The following GANAB variants were observed in gnomAD, a reference collection of about 807,000 sequenced individuals.
GANAB encodes glucosidase II alpha subunit, also known as neutral alpha-glucosidase AB.
GANAB carries 35 observed loss-of-function variants against 129.9 expected under a neutral mutation model. That is an observed-to-expected ratio of 0.27 (90% CI 0.21 to 0.36). The LOEUF is 0.36. GANAB is among the 10% of genes least tolerant of loss of function. GANAB has a pLI of 1.00. For missense variants in GANAB, 939 were observed against 1,221.0 expected (o/e 0.77, Z 3.44); for synonymous variants, 482 against 451.8 (o/e 1.07, Z -0.85).
chr11:62,626,022 T>C, intron 23 of GANAB, 43 bp downstream of exon 23: 1 of 1,517,490 alleles, frequency 6.6e-7, no homozygotes. Flanking sequence ...CTGCCCCGGC[T>C]TCCCCTCCTT....
chr11:62,630,924 G>A, intron 10 of GANAB, 88 bp from the exon 11 acceptor site: 1 of 1,485,092 alleles, frequency 6.7e-7, no homozygotes, highest in Non-Finnish European at 9.3e-7. Context: ...GAGGCAGGCT[G>A]AGGGGTATAA....
intron 4 of GANAB, 30 bp from the exon 5 acceptor site, chr11:62,635,030 A>G: frequency 2.6e-6 from 4 of 1,557,174 alleles, no homozygotes; most frequent in Non-Finnish European, 3.5e-6. Flanking sequence ...AAATATAAGG[A>G]AGTACAAAGG....
Position 62,639,739 on chromosome 11 carries a change from G to C in GANAB, c.39-8C>G. On this transcript the variant is annotated splice_region_variant and splice_polypyrimidine_tract_variant and intron_variant, in intron 1 of 23. Transcript: ENST00000356638. ...ACCAAAGACGCCCAAGACCTAAGGAGAAAAGGACAAAGACAGAGCAATCAG... is the reference window on the plus strand; with the variant it reads ...ACCAAAGACGCCCAAGACCTAAGGACAAAAGGACAAAGACAGAGCAATCAG... 1.9e-6 allele frequency: 3 copies of C among 1,596,572 alleles called. No individual in the cohort carries two copies. The highest frequency in any genetic ancestry group is 2.6e-6 in the Non-Finnish European group (3 of 1,163,984).
Position 62,630,826 on chromosome 11 carries a change from C to G in GANAB, c.1161G>C (p.Ala387=). 1 of 1,612,922 alleles carries G rather than the reference C, an allele frequency of 6.2e-7. No homozygotes were observed. Among genetic ancestry groups the G allele is most frequent in the Non-Finnish European group, 8.5e-7 (1 of 1,179,364 alleles). Residue 387 remains alanine (A), a synonymous_variant, in exon 11 of 24, where the codon GCG becomes GCC. Coordinates refer to ENST00000356638, the MANE Select transcript of GANAB (RefSeq NM_198334.3). ...RQYASLTGTQ[A]LPPLFSLGYH... ...AGCCGAGGGAGAAGAGTGGGGGCAACGCCTGGGTTCCTGCAGGTTCATGAG... is the reference window on the plus strand; with the variant it reads ...AGCCGAGGGAGAAGAGTGGGGGCAAGGCCTGGGTTCCTGCAGGTTCATGAG...
chr11:62,626,912 T>C lies in GANAB; in HGVS notation c.2345A>G (p.Tyr782Cys). The C allele has an allele frequency of 6.2e-7, 1 of 1,612,584 alleles. No homozygotes were observed. The highest frequency in any genetic ancestry group is 8.5e-7 in the Non-Finnish European group (1 of 1,178,666). The part of the protein sequence containing the change: ...QGEVWYDIQS[Y>C]QKHHGPQTLY... ...GGTCTGGGGACCATGATGCTTCTGG[T>C]AGCTTTGAATGTCATACCACACCTG... Residue 782 changes from tyrosine to cysteine, a missense_variant, in exon 20 of 24, where the codon TAC becomes TGC. Tyr to Cys is a radical substitution (Grantham distance 194, BLOSUM62 -2). Coordinates refer to ENST00000356638, the MANE Select transcript of GANAB (RefSeq NM_198334.3).
At chr11:62,630,029 G>A (rs1036461348) in intron 13 of GANAB, 72 bp from the exon 14 acceptor site, 1 of 1,513,556 alleles carries the variant, frequency 6.6e-7, no homozygotes, top group East Asian at 2.3e-5. Context: ...TCAGAGAAGA[G>A]AGCTCCTAGG....
intron 1 of GANAB, among the ~76,000 whole-genome samples, chr11:62,641,413 A>T (rs1448511556): frequency 6.6e-6 from 1 of 150,742 alleles, no homozygotes; most frequent in Non-Finnish European, 1.5e-5. Context: ...TAACATCCCT[A>T]GCACCCTAGG....
In GANAB at chr11:62,630,417, G is replaced by C. The variant is rs772248237; in HGVS notation, c.1475C>G (p.Thr492Ser). 3.1e-6 allele frequency: 5 copies of C among 1,614,090 alleles called. No individual in the cohort carries two copies. The African/African-American group carries it at 5.3e-5, about 17-fold the overall frequency. The change falls in exon 12 of 24, where the codon ACC (threonine) becomes AGC (serine). Residue 492 changes from threonine to serine, a missense_variant. By Grantham distance (58) the Thr-to-Ser change is moderately conservative. Coordinates refer to ENST00000356638, the MANE Select transcript of GANAB (RefSeq NM_198334.3). ...GCCCTCATAGTCAGAGCCATCCCGG[G>C]TTTTAACATACAGCCCCAGGTTCCG... ...ELRNLGLYVKTRDGSDYEGWC... is the reference protein window; with the variant it reads ...ELRNLGLYVKSRDGSDYEGWC...
intron 4 of GANAB, among the ~76,000 whole-genome samples, chr11:62,637,878 G>A (rs186137400): frequency 6.6e-6 from 1 of 150,438 alleles, no homozygotes; most frequent in African/African-American, 2.4e-5. Context: ...TCCAGCCTGG[G>A]AGACAGCGAG....
intron 1 of GANAB, among the ~76,000 whole-genome samples, chr11:62,645,512 G>A (rs928784160): frequency 6.7e-6 from 1 of 148,972 alleles, no homozygotes; most frequent in Non-Finnish European, 1.5e-5. Context: ...CTCCAGCCTG[G>A]GCAACAGAGC....
intron 1 of GANAB, 80 bp from the exon 2 acceptor site, chr11:62,639,811 G>A (rs373506684): frequency 4.9e-6 from 4 of 810,760 alleles, no homozygotes; most frequent in African/African-American, 1.7e-5. Context: ...GCTTCTTCCT[G>A]TCATAGCACT....
intron 8 of GANAB, 85 bp from the exon 9 acceptor site, chr11:62,632,830 G>T: frequency 1.7e-6 from 2 of 1,145,448 alleles, no homozygotes; most frequent in Non-Finnish European, 2.6e-6. Flanking sequence ...ACAGGTGAGA[G>T]ATAAGCAAAG....
chr11:62,632,918 A>G, intron 8 of GANAB, 87 bp downstream of exon 8: 1 of 999,072 alleles, frequency 1.0e-6, no homozygotes, highest in Non-Finnish European at 1.6e-6. Flanking sequence ...ATGCTTGCCT[A>G]GAGTATCCAA....
intron 1 of GANAB, among the ~76,000 whole-genome samples, chr11:62,642,426 T>C (rs1944310734): frequency 6.6e-6 from 1 of 151,474 alleles, no homozygotes; most frequent in Non-Finnish European, 1.5e-5. Context: ...GAGAGAAGCC[T>C]GGGCATCAGA....
Position 62,626,398 on chromosome 11 carries a change from T to G in GANAB, c.2561A>C (p.Tyr854Ser), listed in dbSNP as rs770934031. Residue 854 changes from tyrosine (Y) to serine (S), a missense_variant, in exon 22 of 24, where the codon TAT (tyrosine) becomes TCT (serine). By Grantham distance (144) the Tyr-to-Ser change is moderately radical. This residue lies in a region of GANAB where 230 missense variants were observed against 259.9 expected (regional missense o/e 0.89). Transcript: ENST00000356638. ...CAGCAGGAACTCTTGGCGAGTCTGA[T>G]AGTTGAACGTGTGCCCATCATCCAG... ...LFLDDGHTFNYQTRQEFLLRR... is the reference protein window; with the variant it reads ...LFLDDGHTFNSQTRQEFLLRR... 1.9e-6 allele frequency: 3 copies of G among 1,613,810 alleles called. No individual in the cohort carries two copies. The highest frequency in any genetic ancestry group is 2.5e-6 in the Non-Finnish European group (3 of 1,179,704).
rs1232319791 is a variant in GANAB at position 62,639,029 on chromosome 11, G to A, written c.334C>T (p.Arg112Ter). Reference protein sequence around the residue: ...RIDELEPRRPRYRVPDVLVAD... With the variant: ...RIDELEPRRP ...ACCAAAACATCTGGTACACGGTATCGGGGTCGCCGAGGCTCCAGCTCATCA... is the reference window on the plus strand; with the variant it reads ...ACCAAAACATCTGGTACACGGTATCAGGGTCGCCGAGGCTCCAGCTCATCA... Residue 112 changes from arginine (R) to a stop codon, truncating the protein, a stop_gained, in exon 4 of 24, where the codon CGA (arginine) becomes TGA (stop). Transcript: ENST00000356638. LOFTEE classifies it high-confidence loss of function. The A allele has an allele frequency of 2.5e-6, 4 of 1,614,010 alleles. No homozygotes were observed. The highest frequency in any genetic ancestry group is 3.4e-6 in the Non-Finnish European group (4 of 1,179,942).
intron 5 of GANAB, 32 bp from the exon 6 acceptor site, chr11:62,633,546 C>T (rs1202963813): frequency 1.3e-6 from 2 of 1,593,900 alleles, no homozygotes; most frequent in Non-Finnish European, 1.7e-6. Context: ...TGCTCCAATC[C>T]AGAGGGGGCA....
intron 4 of GANAB, among the ~76,000 whole-genome samples, chr11:62,638,558 G>C (rs1278467731): frequency 6.6e-6 from 1 of 150,714 alleles, no homozygotes; most frequent in African/African-American, 2.5e-5. Context: ...ATCCTATTCT[G>C]AATATCTAAG....
rs1944172521 is a variant in GANAB, at chr11:62,640,228, C to CATAAAAAAAAAA, written c.39-498_39-497insTTTTTTTTTTAT. ...CTCCAGCCTGGGCGACAGAGCTAGA[C>CATAAAAAAAAAA]AAAAAAAAAAAAAAAAAAAAAAAAG... On this transcript the variant is annotated intron_variant, in intron 1 of 23. Coordinates refer to ENST00000356638, the MANE Select transcript of GANAB (RefSeq NM_198334.3). Among the ~76,000 whole-genome samples, 3 of 28,022 alleles carry CATAAAAAAAAAA rather than the reference C, an allele frequency of 1.1e-4. 1 individual carries two copies. The highest frequency in any genetic ancestry group is 1.6e-4 in the Non-Finnish European group (3 of 18,842). The allele number at this position is 28,022 out of a possible 152,430, so 18.4% of individuals were successfully genotyped here. A position where few individuals can be genotyped will look rare whatever the true frequency, so the allele number is the denominator to read the frequency against.
Sources: gnomAD v4.1 joint callset for allele counts (sites outside exome capture counted in the v4.1 genomes callset) on GRCh38, gnomAD v4.1.1 for gene constraint, gnomAD v4.1.1 regional missense constraint, MANE v1.5 for transcripts, NCBI Gene and HGNC (gene_info 2026-07-23, HGNC 2026-07-21) for gene names.